Variants in SMARCC1 observed in about 807,000 individuals in gnomAD.
The protein encoded by SMARCC1 is SWI/SNF complex subunit SMARCC1.
SMARCC1 carries 43 observed loss-of-function variants against 147.4 expected under a neutral mutation model. The observed-to-expected ratio is 0.29, with a 90% CI of 0.23 to 0.38. SMARCC1 has a LOEUF of 0.38. Ranked by LOEUF, SMARCC1 falls within the 10% of genes least tolerant of loss-of-function variation. The pLI is 1.00. For synonymous variants in SMARCC1, 495 were observed against 484.4 expected, an observed-to-expected ratio of 1.02 and a Z score of -0.29; for missense variants, 1,119 against 1,381.1, an observed-to-expected ratio of 0.81 and a Z score of 3.01.
intron 2 of SMARCC1, among the ~76,000 whole-genome samples, chr3:47,756,102 A>T (rs1040927009): frequency 1.3e-5 from 2 of 150,856 alleles, no homozygotes. Flanking sequence ...TGAACCCAGG[A>T]GGCAGAGGTT....
At chr3:47,760,531 G>A (rs372128965) in intron 2 of SMARCC1, among the ~76,000 whole-genome samples, 2 of 151,882 alleles carry the variant, frequency 1.3e-5, no homozygotes, top group African/African-American at 2.4e-5. Flanking sequence ...GCGTTGTGGC[G>A]CATGCCTGTA....
chr3:47,599,116 G>A (rs770507360), intron 26 of SMARCC1, among the ~76,000 whole-genome samples: 2 of 152,206 alleles, frequency 1.3e-5, no homozygotes, highest in Non-Finnish European at 2.9e-5. Context: ...GCTGTGCGCA[G>A]TGGCTCACAC....
intron 24 of SMARCC1, among the ~76,000 whole-genome samples, chr3:47,632,741 C>A (rs908141217): frequency 1.3e-5 from 2 of 152,060 alleles, no homozygotes; most frequent in African/African-American, 4.8e-5. Flanking sequence ...ATAAAAGAAT[C>A]AATTCTGTTT....
intron 6 of SMARCC1, among the ~76,000 whole-genome samples, chr3:47,723,565 G>A (rs561136185): frequency 9.7e-4 from 147 of 152,126 alleles, no homozygotes; most frequent in Non-Finnish European, 1.8e-3. Flanking sequence ...TGTAACCCCA[G>A]CACTTTGGGA....
intron 25 of SMARCC1, among the ~76,000 whole-genome samples, chr3:47,618,571 A>G (rs1441429359): frequency 1.3e-5 from 2 of 152,072 alleles, no homozygotes; most frequent in Admixed American, 1.3e-4. Flanking sequence ...AAAAGAGAAA[A>G]AATAGTGAAG....
intron 21 of SMARCC1, among the ~76,000 whole-genome samples, chr3:47,648,154 C>T (rs1012304360): frequency 6.6e-6 from 1 of 152,018 alleles, no homozygotes; most frequent in African/African-American, 2.4e-5. Context: ...GCCACCACAC[C>T]CAGCTAATTT....
In SMARCC1 at chr3:47,734,892, G is replaced by T. The variant is rs180987347; in HGVS notation, c.576+1142C>A. Among the ~76,000 whole-genome samples, 4 of 152,230 alleles carry T rather than the reference G, an allele frequency of 2.6e-5. No individual in the cohort carries two copies. The East Asian group carries it at 7.7e-4, about 29-fold the overall frequency. On this transcript the variant is annotated intron_variant, in intron 5 of 27. Transcript: ENST00000254480. ...CCTGACTCAGCCTCCCCAGTAGCTGGGACTACAGTGGCATGCCACCATGCC... is the reference window on the plus strand; with the variant it reads ...CCTGACTCAGCCTCCCCAGTAGCTGTGACTACAGTGGCATGCCACCATGCC...
At chr3:47,636,297 C>T (rs1185445284) in intron 22 of SMARCC1, among the ~76,000 whole-genome samples, 161 bp from the exon 23 acceptor site, 2 of 152,194 alleles carry the variant, frequency 1.3e-5, no homozygotes, top group African/African-American at 4.8e-5. Flanking sequence ...AGAACTAATA[C>T]ATTCCAAGCA....
intron 3 of SMARCC1, among the ~76,000 whole-genome samples, chr3:47,739,979 C>A (rs1379033175): frequency 6.6e-6 from 1 of 151,988 alleles, no homozygotes; most frequent in Admixed American, 6.6e-5. Context: ...TGGATTCAAG[C>A]GATTCTCCTG....
intron 24 of SMARCC1, among the ~76,000 whole-genome samples, chr3:47,622,560 A>G (rs1423784552): frequency 1.3e-5 from 2 of 152,126 alleles, no homozygotes; most frequent in Non-Finnish European, 2.9e-5. Context: ...CATGTGGTAA[A>G]CTACTACCTT....
chr3:47,663,913 C>G, intron 19 of SMARCC1: 1 of 1,460,924 alleles, frequency 6.8e-7, no homozygotes, highest in Non-Finnish European at 9.6e-7. Context: ...TAGCTGTCAC[C>G]GCTATGAAGT....
At chr3:47,767,530 C>G (rs554272587) in intron 2 of SMARCC1, among the ~76,000 whole-genome samples, 1 of 143,152 alleles carries the variant, frequency 7.0e-6, no homozygotes, top group Admixed American at 7.0e-5. Context: ...TGTGAGCCAC[C>G]GCACCCAGCC....
rs765588143 is a variant in SMARCC1, at chr3:47,662,359, T to A, written c.2133A>T (p.Ala711=). ...FLASVVDPRV[A]SAAAKAALEE... is the part of the protein sequence containing the mutation. ...CCAAAGCCGCTTTTGCTGCAGCAGA[T>A]GCCACGCGAGGGTCCACCACAGATG... The change falls in exon 20 of 28, where the codon GCA becomes GCT. Residue 711 remains alanine, a synonymous_variant. Coordinates refer to ENST00000254480, the MANE Select transcript of SMARCC1 (RefSeq NM_003074.4). The A allele has an allele frequency of 1.9e-6, 3 of 1,614,118 alleles. No homozygotes were observed. Among genetic ancestry groups the A allele is most frequent in the Non-Finnish European group, 2.5e-6 (3 of 1,180,004 alleles).
intron 2 of SMARCC1, among the ~76,000 whole-genome samples, chr3:47,772,041 C>G (rs1314074758): frequency 6.6e-6 from 1 of 151,892 alleles, no homozygotes; most frequent in African/African-American, 2.4e-5. Context: ...TGCACTCTAG[C>G]CTGGGTGACA....
chr3:47,683,629 G>A (rs2106765785), intron 14 of SMARCC1, among the ~76,000 whole-genome samples: 1 of 151,802 alleles, frequency 6.6e-6, no homozygotes, highest in South Asian at 2.1e-4. Context: ...AAGGTGGGTG[G>A]ATCACCTGAG....
At chr3:47,651,296 CCTGTCTCAAATATATATGTCAGACT>C (rs2033187417) in intron 21 of SMARCC1, among the ~76,000 whole-genome samples, 1 of 152,148 alleles carries the variant, frequency 6.6e-6, no homozygotes, top group Non-Finnish European at 1.5e-5. Context: ...AGAGTGAAAC[CCTGTCTCAAATATATATGTCAGACT>C]CTGACACTCT....
chr3:47,639,888 C>T (rs750446378), intron 21 of SMARCC1, among the ~76,000 whole-genome samples: 12 of 152,122 alleles, frequency 7.9e-5, no homozygotes, highest in Non-Finnish European at 1.8e-4. Flanking sequence ...TGTACACATG[C>T]TGAATTCTAC....
At chr3:47,656,067 T>C (rs1449096164) in intron 21 of SMARCC1, among the ~76,000 whole-genome samples, 1 of 151,940 alleles carries the variant, frequency 6.6e-6, no homozygotes, top group Non-Finnish European at 1.5e-5. Flanking sequence ...AAAAATTAGC[T>C]GGGCTTGGTG....
intron 24 of SMARCC1, among the ~76,000 whole-genome samples, chr3:47,623,309 G>T (rs115339554): frequency 2.2e-3 from 331 of 152,110 alleles, no homozygotes; most frequent in African/African-American, 7.7e-3. Flanking sequence ...TCTTACCAAG[G>T]TCTTAAGAAA....
Sources: gnomAD v4.1 joint callset for allele counts (sites outside exome capture counted in the v4.1 genomes callset) on GRCh38, gnomAD v4.1.1 for gene constraint, MANE v1.5 for transcripts, NCBI Gene and HGNC (gene_info 2026-07-23, HGNC 2026-07-21) for gene names.